The following TENM3 variants were observed in gnomAD, a reference collection of about 807,000 sequenced individuals.
TENM3 encodes teneurin transmembrane protein 3, also known as teneurin-3.
In TENM3, 63 loss-of-function variants were observed where a neutral mutation model predicts 255.1. The ratio of observed to expected loss-of-function variants is 0.25; its 90% CI spans 0.20 to 0.30. The LOEUF (loss-of-function observed/expected upper bound fraction) is 0.30. TENM3 is among the 10% of genes least tolerant of loss of function. TENM3 has a pLI of 1.00. For missense variants in TENM3, 2,929 were observed against 3,461.1 expected, an observed-to-expected ratio of 0.85 and a Z score of 3.86; for synonymous variants, 1,306 against 1,322.3, an observed-to-expected ratio of 0.99 and a Z score of 0.27.
At chr4:181,978,071 CAGA>C in the TENM3 span, among the ~76,000 whole-genome samples, 2 of 152,092 alleles carry the variant, frequency 1.3e-5, no homozygotes, top group African/African-American at 4.8e-5. Flanking sequence ...GCCAGGGTGA[CAGA>C]AGATGAAGTC....
the TENM3 span, among the ~76,000 whole-genome samples, chr4:181,660,643 G>A: frequency 3.3e-5 from 5 of 152,008 alleles, no homozygotes; most frequent in Non-Finnish European, 4.4e-5. Flanking sequence ...AACTTATTCC[G>A]GCTTGCAATT....
At chr4:182,176,548 A>G (rs184516100) in intron 1 of TENM3, among the ~76,000 whole-genome samples, 2 of 152,354 alleles carry the variant, frequency 1.3e-5, no homozygotes, top group East Asian at 3.9e-4. Flanking sequence ...TTCTTTCAGA[A>G]TGACAAATTT....
At chr4:181,963,730 C>T in the TENM3 span, among the ~76,000 whole-genome samples, 2 of 152,042 alleles carry the variant, frequency 1.3e-5, no homozygotes, top group African/African-American at 4.8e-5. Flanking sequence ...GGATAGAACG[C>T]AAAGATGAAA....
chr4:182,421,816 A>G (rs1770851605), intron 3 of TENM3, among the ~76,000 whole-genome samples: 2 of 152,228 alleles, frequency 1.3e-5, no homozygotes, highest in South Asian at 4.1e-4. Flanking sequence ...AACTTAGTCC[A>G]TACCAACTAG....
chr4:182,220,650 A>G (rs759567318), intron 1 of TENM3, among the ~76,000 whole-genome samples: 3 of 152,200 alleles, frequency 2.0e-5, no homozygotes, highest in Non-Finnish European at 4.4e-5. Context: ...ATGAACAGGT[A>G]GTAGTATTTT....
chr4:181,793,104 T>C, the TENM3 span, among the ~76,000 whole-genome samples: 40,869 of 152,072 alleles, frequency 0.27, 5,621 homozygotes, highest in South Asian at 0.34. Flanking sequence ...AAGGAAGAGA[T>C]GTTCTGCTCT....
intron 4 of TENM3, among the ~76,000 whole-genome samples, chr4:182,626,749 A>G (rs949627526): frequency 6.6e-6 from 1 of 152,152 alleles, no homozygotes; most frequent in African/African-American, 2.4e-5. Context: ...GTGGGGGGAG[A>G]TGGGCTCATA....
intron 4 of TENM3, among the ~76,000 whole-genome samples, chr4:182,608,997 T>C (rs1301675236): frequency 6.6e-6 from 1 of 150,484 alleles, no homozygotes; most frequent in Non-Finnish European, 1.5e-5. Flanking sequence ...AGCAAGAGGC[T>C]GGAGGGACTG....
At chr4:182,088,796 T>C in the TENM3 span, among the ~76,000 whole-genome samples, 47 of 148,984 alleles carry the variant, frequency 3.2e-4, no homozygotes, top group African/African-American at 1.1e-3. Context: ...GTCGGGCCAC[T>C]GCACTCCAGC....
intron 1 of TENM3, among the ~76,000 whole-genome samples, chr4:182,213,507 T>C (rs1755193512): frequency 1.3e-5 from 2 of 152,206 alleles, no homozygotes; most frequent in Non-Finnish European, 2.9e-5. Context: ...CAAATGTGGT[T>C]GTTTCAAATG....
At chr4:181,926,565 T>G in the TENM3 span, among the ~76,000 whole-genome samples, 1 of 152,098 alleles carries the variant, frequency 6.6e-6, no homozygotes, top group Non-Finnish European at 1.5e-5. Context: ...TTTTGGGTTT[T>G]GGGGTTTTGT....
At position 182,736,944 on chromosome 4, in the gene TENM3, A is replaced by G; in HGVS notation, c.3104A>G (p.His1035Arg). The change falls in exon 17 of 28, where the codon CAT (histidine) becomes CGT (arginine). Residue 1035 changes from histidine (H) to arginine (R), a missense_variant. By Grantham distance (29) the His-to-Arg change is conservative (BLOSUM62 0). This residue lies in a region of TENM3 where 1,608 missense variants were observed against 1,884.4 expected (regional missense o/e 0.85). Transcript: ENST00000511685. ...SIIPFNLMKV[H>R]LMVAVVGRLF... ...ATTCCATTTAATTTAATGAAGGTTC[A>G]TCTTATGGTAGCTGTAGTAGGAAGA... 1 of 1,613,894 alleles carries G rather than the reference A, an allele frequency of 6.2e-7. No homozygotes were observed. The highest frequency in any genetic ancestry group is 8.5e-7 in the Non-Finnish European group (1 of 1,179,848).
chr4:182,071,072 A>C, the TENM3 span, among the ~76,000 whole-genome samples: 1 of 149,354 alleles, frequency 6.7e-6, no homozygotes, highest in East Asian at 2.0e-4. Flanking sequence ...AATTAAGCAA[A>C]GTGTTGGTCC....
the TENM3 span, among the ~76,000 whole-genome samples, chr4:181,654,768 A>AAT: frequency 2.6e-5 from 4 of 151,404 alleles, no homozygotes; most frequent in African/African-American, 9.7e-5. Flanking sequence ...AAAAAAAAAA[A>AAT]AAAAAAGAAG....
At chr4:181,729,386 C>T in the TENM3 span, among the ~76,000 whole-genome samples, 1 of 152,134 alleles carries the variant, frequency 6.6e-6, no homozygotes, top group South Asian at 2.1e-4. Context: ...GCTGCTCCTC[C>T]CTCCTCCAAG....
the TENM3 span, among the ~76,000 whole-genome samples, chr4:181,688,012 T>C: frequency 6.6e-6 from 1 of 152,180 alleles, no homozygotes; most frequent in Non-Finnish European, 1.5e-5. Context: ...TACATTAATT[T>C]ATGTAAATCA....
At chr4:181,925,349 C>G in the TENM3 span, among the ~76,000 whole-genome samples, 249 of 152,252 alleles carry the variant, frequency 1.6e-3, 1 homozygote, top group African/African-American at 5.6e-3. Context: ...TCATTCATAA[C>G]TACTTAATTA....
chr4:182,166,354 CAG>C (rs1751723000), intron 1 of TENM3, among the ~76,000 whole-genome samples: 1 of 152,166 alleles, frequency 6.6e-6, no homozygotes, highest in South Asian at 2.1e-4. Context: ...GGGAGGAAAA[CAG>C]TGTGTCTGGA....
chr4:181,915,907 T>C, the TENM3 span, among the ~76,000 whole-genome samples: 1 of 152,208 alleles, frequency 6.6e-6, no homozygotes, highest in African/African-American at 2.4e-5. Flanking sequence ...AGGGAGCCAC[T>C]GAGGCTTGAA....
Sources: allele counts gnomAD v4.1 joint callset (sites outside exome capture counted in the v4.1 genomes callset), GRCh38; gene constraint gnomAD v4.1.1; regional missense constraint gnomAD v4.1.1; transcripts MANE v1.5; gene names NCBI Gene and HGNC (gene_info 2026-07-23, HGNC 2026-07-21).